The following KERA variants were observed in gnomAD, a reference collection of about 807,000 sequenced individuals.
KERA encodes the protein keratocan.
Under a neutral mutation model 26.4 loss-of-function variants are expected in KERA, and 25 were observed. The ratio of observed to expected loss-of-function variants is 0.95; its 90% confidence interval spans 0.69 to 1.32. The LOEUF (loss-of-function observed/expected upper bound fraction) is 1.32. KERA is among the 40% of genes most tolerant of loss of function. KERA has a pLI of 0.00. For synonymous variants in KERA, 167 were observed against 146.1 expected (o/e 1.14, Z -1.03); for missense variants, 434 against 408.9 (o/e 1.06, Z -0.53).
chr12:91,053,196 C>T (rs1878908457), intron 2 of KERA, among the ~76,000 whole-genome samples: 1 of 151,296 alleles, frequency 6.6e-6, no homozygotes, highest in Non-Finnish European at 1.5e-5. Flanking sequence ...TCAATATTCT[C>T]TCCAGGGAAA....
Position 91,056,115 on chromosome 12 carries a change from A to G in KERA, c.167T>C (p.Leu56Ser), listed in dbSNP as rs763765245. ...CFCPPSFPTALYCENRGLKEI... is the reference protein window; with the variant it reads ...CFCPPSFPTASYCENRGLKEI... ...TTTGAGACCTCTATTTTCACAATAT[A>G]AAGCAGTAGGAAAACTGGGTGGGCA... The change falls in exon 2 of 3, where the codon TTA becomes TCA. Residue 56 changes from leucine (L) to serine (S), a missense_variant. Coordinates refer to ENST00000266719, the MANE Select transcript of KERA (RefSeq NM_007035.4). The G allele has an allele frequency of 2.5e-6, 4 of 1,610,306 alleles. No individual in the cohort carries two copies. Among genetic ancestry groups the G allele is most frequent in the Non-Finnish European group, 3.4e-6 (4 of 1,177,860 alleles).
In KERA at chr12:91,050,668, C is replaced by T. The variant is rs10859101; in HGVS notation, c.*678G>A. ...AAACACTAAGATTCCACAAGAAATG[C>T]ATTATAATAAACATAAAATTTAGAA... is the stretch of plus-strand genomic sequence containing the variant. On this transcript the variant is annotated 3_prime_UTR_variant, in exon 3 of 3. Transcript: ENST00000266719. 1.3e-5 allele frequency: 2 copies of T among 151,772 alleles called. No individual in the cohort carries two copies. The highest frequency in any genetic ancestry group is 4.8e-5 in the African/African-American group (2 of 41,246). 9.4% of individuals were successfully genotyped at this position (151,772 alleles called of 1,614,324 possible). A position where few individuals can be genotyped will look rare whatever the true frequency, so the allele number is the denominator to read the frequency against.
chr12:91,057,051 T>C (rs900655843), intron 1 of KERA, among the ~76,000 whole-genome samples: 2 of 150,574 alleles, frequency 1.3e-5, no homozygotes, highest in African/African-American at 2.4e-5. Flanking sequence ...TATATAGAGA[T>C]AGAGTTTATT....
Position 91,051,140 on chromosome 12 carries a change from T to C in KERA, c.*206A>G. ...CTATCTTAACTCTGTGTCTGTTTTATTAATTAAAAGAAAAGCAAATTAATG... is the reference window on the plus strand; with the variant it reads ...CTATCTTAACTCTGTGTCTGTTTTACTAATTAAAAGAAAAGCAAATTAATG... On this transcript the variant is annotated 3_prime_UTR_variant, in exon 3 of 3. Coordinates refer to ENST00000266719, the MANE Select transcript of KERA (RefSeq NM_007035.4). 3.7e-6 allele frequency: 2 copies of C among 541,916 alleles called. No homozygotes were observed. The highest frequency in any genetic ancestry group is 2.1e-5 in the South Asian group (1 of 48,174). 33.6% of individuals were successfully genotyped at this position (541,916 alleles called of 1,614,324 possible). A position where few individuals can be genotyped will look rare whatever the true frequency, so the allele number is the denominator to read the frequency against.
At chr12:91,053,591 C>G (rs937956400) in intron 2 of KERA, among the ~76,000 whole-genome samples, 1 of 151,320 alleles carries the variant, frequency 6.6e-6, no homozygotes, top group African/African-American at 2.4e-5. Flanking sequence ...TCTGACCCAG[C>G]AAGTCAGAAA....
At chr12:91,057,183 G>A (rs574213982) in intron 1 of KERA, among the ~76,000 whole-genome samples, 66 of 150,424 alleles carry the variant, frequency 4.4e-4, no homozygotes, top group African/African-American at 1.6e-3. Context: ...TACGGGTGGA[G>A]AATTTCTTTA....
chr12:91,055,453 C>T lies in KERA; in HGVS notation c.829G>A (p.Val277Ile), dbSNP rs748729090. 13 of 1,610,018 alleles carry T rather than the reference C, an allele frequency of 8.1e-6. No individual in the cohort carries two copies. The highest frequency in any genetic ancestry group is 2.2e-5 in the East Asian group (1 of 44,786). ...LQLSHNQLTK[V>I]PRISAHLQHL... Reference sequence around the variant, plus strand: ...TGCAGATGAGCACTGATTCGGGGAACCTTTGTGAGTTGATTGTGCGACAGT... The same window carrying T: ...TGCAGATGAGCACTGATTCGGGGAATCTTTGTGAGTTGATTGTGCGACAGT... Residue 277 changes from valine to isoleucine, a missense_variant, in exon 2 of 3, where the codon GTT (valine) becomes ATT (isoleucine). Coordinates refer to ENST00000266719, the MANE Select transcript of KERA (RefSeq NM_007035.4).
chr12:91,053,179 T>A (rs1878907947), intron 2 of KERA, among the ~76,000 whole-genome samples: 1 of 151,430 alleles, frequency 6.6e-6, no homozygotes, highest in African/African-American at 2.4e-5. Flanking sequence ...AGTGTGATAT[T>A]ATTATATCAA....
chr12:91,054,588 C>A (rs75017001), intron 2 of KERA, among the ~76,000 whole-genome samples: 9 of 128,940 alleles, frequency 7.0e-5, no homozygotes, highest in African/African-American at 3.1e-4. Flanking sequence ...TCTATAATCA[C>A]TTCTTCTCTT....
In KERA at chr12:91,051,491, C is replaced by T; in HGVS notation, c.914G>A (p.Ser305Asn). The part of the protein sequence containing the change: ...KSVNVSVICP[S>N]PSMLPAERDS... ...TCGTTCTGCAGGCAGCATGGATGGG[C>T]TGGGACATATTACAGAGACATTCAC... The change falls in exon 3 of 3, where the codon AGC becomes AAC. Residue 305 changes from serine to asparagine, a missense_variant. Physicochemically the swap from Ser to Asn is conservative, Grantham distance 46 (BLOSUM62 1). Transcript: ENST00000266719. The T allele has an allele frequency of 2.5e-6, 4 of 1,610,174 alleles. No homozygotes were observed. The highest frequency in any genetic ancestry group is 3.4e-6 in the Non-Finnish European group (4 of 1,177,220).
chr12:91,054,949 G>C (rs1207428000), intron 2 of KERA, among the ~76,000 whole-genome samples: 1 of 151,182 alleles, frequency 6.6e-6, no homozygotes, highest in African/African-American at 2.4e-5. Flanking sequence ...ACTCCAATTA[G>C]GAGGGTTTCA....
chr12:91,056,486 A>C (rs1422182651), intron 1 of KERA, among the ~76,000 whole-genome samples, 197 bp from the exon 2 acceptor site: 1 of 151,270 alleles, frequency 6.6e-6, no homozygotes, highest in Non-Finnish European at 1.5e-5. Flanking sequence ...ATTGAGAATA[A>C]TTCACCGACT....
chr12:91,052,465 T>C (rs1477505403), intron 2 of KERA, among the ~76,000 whole-genome samples: 1 of 151,650 alleles, frequency 6.6e-6, no homozygotes, highest in Non-Finnish European at 1.5e-5. Flanking sequence ...TTTATATAGA[T>C]TCATATTGTA....
In KERA at chr12:91,056,307, C is replaced by T; in HGVS notation, c.-8-18G>A. 1 of 1,587,876 alleles carries T rather than the reference C, an allele frequency of 6.3e-7. No homozygotes were observed. Among genetic ancestry groups the T allele is most frequent in the Non-Finnish European group, 8.6e-7 (1 of 1,159,454 alleles). Reference sequence around the variant, plus strand: ...TATAGCACCTACAGAAAAAGGAACACAACTGTTAGATATTTGAAGATCTTG... The same window carrying T: ...TATAGCACCTACAGAAAAAGGAACATAACTGTTAGATATTTGAAGATCTTG... On this transcript the variant is annotated intron_variant, in intron 1 of 2. Transcript: ENST00000266719.
intron 2 of KERA, 84 bp downstream of exon 2, chr12:91,055,312 A>C (rs1422504419): frequency 1.6e-6 from 2 of 1,219,026 alleles, no homozygotes; most frequent in Non-Finnish European, 2.4e-6. Context: ...AGGGGGCAAC[A>C]CATTTGCTCT....
In KERA at chr12:91,051,514, C is replaced by T; in HGVS notation, c.891G>A (p.Val297=). 1 of 1,606,382 alleles carries T rather than the reference C, an allele frequency of 6.2e-7. No individual in the cohort carries two copies. The highest frequency in any genetic ancestry group is 8.5e-7 in the Non-Finnish European group (1 of 1,173,838). The stretch of plus-strand genomic sequence containing the variant: ...GGCTGGGACATATTACAGAGACATT[C>T]ACACCTACAGTGACAAAGAGAATAG... ...LHLDHNKIKS[V]NVSVICPSPS... Residue 297 remains valine, a synonymous_variant, in exon 3 of 3, where the codon GTG becomes GTA. Transcript: ENST00000266719.
At chr12:91,052,394 G>C (rs1878890583) in intron 2 of KERA, among the ~76,000 whole-genome samples, 1 of 151,466 alleles carries the variant, frequency 6.6e-6, no homozygotes, top group South Asian at 2.1e-4. Flanking sequence ...TTCCAAACAA[G>C]AGATCTTCCC....
chr12:91,056,111 A>G lies in KERA; in HGVS notation c.171T>C (p.Tyr57=), dbSNP rs775332060. The change falls in exon 2 of 3, where the codon TAT becomes TAC. Residue 57 remains tyrosine, a synonymous_variant. Coordinates refer to ENST00000266719, the MANE Select transcript of KERA (RefSeq NM_007035.4). ...FCPPSFPTAL[Y]CENRGLKEIP... ...TTTCTTTGAGACCTCTATTTTCACA[A>G]TATAAAGCAGTAGGAAAACTGGGTG... is the stretch of plus-strand genomic sequence containing the variant. 4 of 1,610,242 alleles carry G rather than the reference A, an allele frequency of 2.5e-6. No individual in the cohort carries two copies. The highest frequency in any genetic ancestry group is 2.5e-6 in the Non-Finnish European group (3 of 1,177,858).
At chr12:91,055,364 T>C (rs1490664989) in intron 2 of KERA, 32 bp downstream of exon 2, 1 of 1,585,300 alleles carries the variant, frequency 6.3e-7, no homozygotes, top group Non-Finnish European at 8.7e-7. Context: ...CATGAGCCCT[T>C]TAGTCAAAGA....
Sources: gnomAD v4.1 joint callset for allele counts (sites outside exome capture counted in the v4.1 genomes callset) on GRCh38, gnomAD v4.1.1 for gene constraint, MANE v1.5 for transcripts, NCBI Gene and HGNC (gene_info 2026-07-23, HGNC 2026-07-21) for gene names.